The following SLIT2 variants were observed in gnomAD, a reference collection of about 807,000 sequenced individuals.
SLIT2 encodes the protein slit guidance ligand 2, also known as slit homolog 2 protein.
In SLIT2, 41 loss-of-function variants were observed where a neutral mutation model predicts 185.7. That is an observed-to-expected ratio of 0.22 (90% confidence interval 0.17 to 0.29). SLIT2 has a LOEUF of 0.29. Among genes scored for constraint, SLIT2 ranks in the 10% least tolerant of loss-of-function variants. SLIT2 has a pLI of 1.00. For synonymous variants in SLIT2, 693 were observed against 680.2 expected (o/e 1.02, Z -0.29); for missense variants, 1,571 against 1,909.0 (o/e 0.82, Z 3.30).
At chr4:20,427,348 T>A (rs543727005) in intron 4 of SLIT2, among the ~76,000 whole-genome samples, 4 of 152,342 alleles carry the variant, frequency 2.6e-5, no homozygotes, top group African/African-American at 9.6e-5. Flanking sequence ...ATACATGTCC[T>A]GTAGCCTGTT....
intron 33 of SLIT2, among the ~76,000 whole-genome samples, chr4:20,607,627 G>A (rs1036689305): frequency 1.3e-5 from 2 of 152,168 alleles, no homozygotes; most frequent in Non-Finnish European, 1.5e-5. Flanking sequence ...CTGCATTAGG[G>A]TGTTTAAAAC....
At chr4:20,572,730 CT>C (rs1346221327) in intron 29 of SLIT2, among the ~76,000 whole-genome samples, 1 of 152,156 alleles carries the variant, frequency 6.6e-6, no homozygotes, top group Non-Finnish European at 1.5e-5. Context: ...TCTTAATTAA[CT>C]TTTATTCTTA....
chr4:20,343,854 T>G (rs576705022), intron 4 of SLIT2, among the ~76,000 whole-genome samples: 69 of 151,152 alleles, frequency 4.6e-4, no homozygotes, highest in Middle Eastern at 6.9e-3. Context: ...ATTATTATTA[T>G]TAGTATTATT....
chr4:20,523,048 T>C (rs1720972406), intron 12 of SLIT2, among the ~76,000 whole-genome samples: 1 of 152,070 alleles, frequency 6.6e-6, no homozygotes, highest in South Asian at 2.1e-4. Context: ...ACAGCCTGCA[T>C]GTATTAAGGA....
intron 16 of SLIT2, 108 bp downstream of exon 16, chr4:20,529,207 T>C: frequency 2.6e-6 from 2 of 763,404 alleles, no homozygotes; most frequent in Non-Finnish European, 4.0e-6. Context: ...GCATTAATTT[T>C]AATTAATATG....
At chr4:20,308,543 T>C (rs1348437284) in intron 4 of SLIT2, among the ~76,000 whole-genome samples, 2 of 152,132 alleles carry the variant, frequency 1.3e-5, no homozygotes, top group Non-Finnish European at 2.9e-5. Context: ...ACTTTTCAGC[T>C]ACATGACCTT....
At chr4:20,266,079 C>T (rs993355237) in intron 3 of SLIT2, among the ~76,000 whole-genome samples, 1 of 151,704 alleles carries the variant, frequency 6.6e-6, no homozygotes, top group African/African-American at 2.4e-5. Flanking sequence ...GTGACCATCA[C>T]CTAGTAAGCT....
chr4:20,270,804 T>C (rs564158763), intron 4 of SLIT2, among the ~76,000 whole-genome samples: 164 of 152,106 alleles, frequency 1.1e-3, no homozygotes, highest in Non-Finnish European at 1.7e-3. Flanking sequence ...GCACTGGATG[T>C]ACATAGAAAA....
At chr4:20,428,940 G>T (rs1304981905) in intron 4 of SLIT2, among the ~76,000 whole-genome samples, 3 of 152,240 alleles carry the variant, frequency 2.0e-5, no homozygotes, top group Admixed American at 6.5e-5. Context: ...TGTGGCCTGA[G>T]AGCTGCTGGC....
intron 21 of SLIT2, among the ~76,000 whole-genome samples, chr4:20,545,812 C>A (rs1316348816): frequency 6.6e-6 from 1 of 151,806 alleles, no homozygotes; most frequent in Non-Finnish European, 1.5e-5. Flanking sequence ...GCTGGGCTTG[C>A]CTTGTTAGAT....
At chr4:20,514,014 G>C (rs1249419091) in intron 11 of SLIT2, among the ~76,000 whole-genome samples, 1 of 152,198 alleles carries the variant, frequency 6.6e-6, no homozygotes, top group Non-Finnish European at 1.5e-5. Context: ...ATTAGGGTGG[G>C]AGAGGAAAGC....
At chr4:20,564,173 G>A (rs527828309) in intron 26 of SLIT2, among the ~76,000 whole-genome samples, 19 of 151,900 alleles carry the variant, frequency 1.3e-4, no homozygotes, top group Admixed American at 7.2e-4. Flanking sequence ...TGATTAAGAA[G>A]ATTTCAGGAG....
chr4:20,538,962 A>T (rs895712679), intron 18 of SLIT2, among the ~76,000 whole-genome samples: 1 of 152,112 alleles, frequency 6.6e-6, no homozygotes, highest in Non-Finnish European at 1.5e-5. Context: ...CCCCTGGACC[A>T]TGTTTGACAT....
At chr4:20,313,023 G>T (rs765023351) in intron 4 of SLIT2, among the ~76,000 whole-genome samples, 2 of 152,160 alleles carry the variant, frequency 1.3e-5, no homozygotes, top group Middle Eastern at 6.8e-3. Context: ...CTGTTTCTAG[G>T]CTTGAGGGAG....
At chr4:20,525,293 A>G (rs1421632175) in intron 15 of SLIT2, 121 bp downstream of exon 15, 2 of 711,696 alleles carry the variant, frequency 2.8e-6, no homozygotes. Context: ...AGATAGATTG[A>G]CTTATGCATA....
intron 26 of SLIT2, among the ~76,000 whole-genome samples, chr4:20,560,159 A>T (rs1418623535): frequency 6.6e-6 from 1 of 151,934 alleles, no homozygotes; most frequent in East Asian, 1.9e-4. Flanking sequence ...TATTTTATTC[A>T]TGAAAATTAT....
intron 4 of SLIT2, among the ~76,000 whole-genome samples, chr4:20,372,365 A>G (rs1428673261): frequency 6.7e-6 from 1 of 150,046 alleles, no homozygotes; most frequent in Non-Finnish European, 1.5e-5. Context: ...TTTTTTTTTT[A>G]CCTCCTTAAA....
At chr4:20,507,787 A>G (rs77942948) in intron 9 of SLIT2, among the ~76,000 whole-genome samples, 28,776 of 151,748 alleles carry the variant, frequency 0.19, 3,050 homozygotes, top group African/African-American at 0.3. Context: ...AGTCACTGAG[A>G]GCTATTAATT....
chr4:20,321,471 A>G (rs1342280039), intron 4 of SLIT2, among the ~76,000 whole-genome samples: 1 of 152,212 alleles, frequency 6.6e-6, no homozygotes, highest in East Asian at 1.9e-4. Context: ...ATAAAATTCA[A>G]GCTGGTGTGT....
Sources: gnomAD v4.1 joint callset for allele counts (sites outside exome capture counted in the v4.1 genomes callset) on GRCh38, gnomAD v4.1.1 for gene constraint, MANE v1.5 for transcripts, NCBI Gene and HGNC (gene_info 2026-07-23, HGNC 2026-07-21) for gene names.